The following IWS1 variants were observed in gnomAD, a reference collection of about 807,000 sequenced individuals.
IWS1 encodes protein IWS1 homolog.
IWS1 carries 27 observed loss-of-function variants against 86.7 expected under a neutral mutation model. The observed-to-expected ratio is 0.31, with a 90% CI of 0.23 to 0.43. IWS1 has a LOEUF of 0.43. Among genes scored for constraint, IWS1 ranks in the 20% least tolerant of loss-of-function variants. The pLI is 1.00. For missense variants in IWS1, 827 were observed against 1,000.8 expected (o/e 0.83, Z 2.34); for synonymous variants, 313 against 335.1 (o/e 0.93, Z 0.72).
At chr2:127,524,683 C>T (rs1439430613) in intron 1 of IWS1, among the ~76,000 whole-genome samples, 2 of 151,396 alleles carry the variant, frequency 1.3e-5, no homozygotes, top group African/African-American at 2.4e-5. Context: ...GCTGGGATTA[C>T]AGGTGCCCGC....
chr2:127,498,956 A>G (rs1402477726), intron 5 of IWS1: 1 of 152,124 alleles, frequency 6.6e-6, no homozygotes, highest in Non-Finnish European at 1.5e-5. Context: ...TGGACTGTTC[A>G]TCTTTTTCTT....
chr2:127,495,929 T>C (rs1690486910), intron 7 of IWS1, 69 bp downstream of exon 7: 7 of 1,385,698 alleles, frequency 5.1e-6, no homozygotes, highest in East Asian at 2.5e-5. Context: ...GGGTTAAGTA[T>C]CAAAAAAAGG....
intron 2 of IWS1, among the ~76,000 whole-genome samples, chr2:127,512,857 T>C (rs1355937382): frequency 6.6e-6 from 1 of 152,258 alleles, no homozygotes; most frequent in African/African-American, 2.4e-5. Context: ...CAAAAATGTT[T>C]ATTGAAAGAC....
chr2:127,518,030 A>G (rs1361656144), intron 2 of IWS1, among the ~76,000 whole-genome samples: 2 of 152,222 alleles, frequency 1.3e-5, no homozygotes, highest in East Asian at 1.9e-4. Context: ...GACAGAAAGT[A>G]TATCAGTGGT....
intron 2 of IWS1, chr2:127,511,273 T>G (rs975066619): frequency 1.3e-5 from 2 of 152,210 alleles, no homozygotes; most frequent in Non-Finnish European, 2.9e-5. Flanking sequence ...TATTTTCTAC[T>G]ATGTGATCAA....
At chr2:127,495,079 T>G (rs1690445321) in intron 7 of IWS1, 125 bp from the exon 8 acceptor site, 1 of 590,392 alleles carries the variant, frequency 1.7e-6, no homozygotes, top group Non-Finnish European at 2.9e-6. Flanking sequence ...CAAGAAAGAA[T>G]AATTTAAGAT....
At chr2:127,523,924 T>C in intron 1 of IWS1, 133 bp from the exon 2 acceptor site, 1 of 633,938 alleles carries the variant, frequency 1.6e-6, no homozygotes, top group East Asian at 2.6e-5. Context: ...AAGTTGCTAA[T>C]ATTTTGAATA....
Position 127,503,784 on chromosome 2 carries a change from C to T in IWS1, c.1220-208G>A, listed in dbSNP as rs115029274. On this transcript the variant is annotated intron_variant, in intron 3 of 13. Coordinates refer to ENST00000295321, the MANE Select transcript of IWS1 (RefSeq NM_017969.3). ...AAATGGCTCATTCAGAGTCATCTTA[C>T]AAATTATCTGTTATTTTGCTTAAGA... is the stretch of plus-strand genomic sequence containing the variant. Among the ~76,000 whole-genome samples, 1,203 of 152,134 alleles carry T rather than the reference C, an allele frequency of 7.9e-3. 13 individuals carry two copies. Among genetic ancestry groups the T allele is most frequent in the African/African-American group, 0.028 (1,153 of 41,530 alleles).
intron 10 of IWS1, among the ~76,000 whole-genome samples, chr2:127,491,587 G>A (rs900170389): frequency 3.3e-5 from 5 of 152,066 alleles, no homozygotes; most frequent in Admixed American, 1.3e-4. Flanking sequence ...GGGACTACTC[G>A]TGTATACCAC....
At chr2:127,491,935 C>T (rs372642298) in intron 10 of IWS1, 36 bp downstream of exon 10, 2 of 1,239,540 alleles carry the variant, frequency 1.6e-6, no homozygotes, top group Admixed American at 1.7e-5. Context: ...TATCTATACA[C>T]ATAAACACAA....
At chr2:127,488,697 C>T (rs1227515534) in intron 12 of IWS1, among the ~76,000 whole-genome samples, 4 of 152,216 alleles carry the variant, frequency 2.6e-5, no homozygotes, top group East Asian at 1.9e-4. Context: ...AATCACAAGA[C>T]GTGAAAATTC....
chr2:127,503,774 AGTC>A (rs1690950596), intron 3 of IWS1, among the ~76,000 whole-genome samples, 198 bp from the exon 4 acceptor site: 1 of 152,150 alleles, frequency 6.6e-6, no homozygotes, highest in Non-Finnish European at 1.5e-5. Flanking sequence ...GCTCATTCAG[AGTC>A]ATCTTACAAA....
At chr2:127,509,698 A>G (rs1359880820) in intron 2 of IWS1, among the ~76,000 whole-genome samples, 1 of 105,018 alleles carries the variant, frequency 9.5e-6, no homozygotes, top group Admixed American at 1.6e-4. Context: ...ACAGAGCAAC[A>G]CTCCATCTCA....
chr2:127,499,579 T>C lies in IWS1; in HGVS notation c.1468-1342A>G, dbSNP rs1462662432. Among the ~76,000 whole-genome samples, 2 of 152,182 alleles carry C rather than the reference T, an allele frequency of 1.3e-5. No individual in the cohort carries two copies. Among genetic ancestry groups the C allele is most frequent in the East Asian group, 3.9e-4 (2 of 5,194 alleles). On this transcript the variant is annotated intron_variant, in intron 5 of 13. Transcript: ENST00000295321. This position sits in a 1 kb window ranked among gnomAD's most constrained non-coding sequence, Gnocchi z 4.0. ...TACCTTATTCTTACAATATGGTGCTTAACTAAGTATGAGCTCCATGAAGGC... is the reference window on the plus strand; with the variant it reads ...TACCTTATTCTTACAATATGGTGCTCAACTAAGTATGAGCTCCATGAAGGC...
chr2:127,496,179 C>A, intron 6 of IWS1, 31 bp from the exon 7 acceptor site: 1 of 1,588,640 alleles, frequency 6.3e-7, no homozygotes, highest in Non-Finnish European at 8.6e-7. Flanking sequence ...AAGTGAAATA[C>A]AAGTTGTCTT....
rs1194287119 is a variant in IWS1 at position 127,499,379 on chromosome 2, C to T, written c.1468-1142G>A. On this transcript the variant is annotated intron_variant, in intron 5 of 13. Coordinates refer to ENST00000295321, the MANE Select transcript of IWS1 (RefSeq NM_017969.3). The surrounding 1 kb of genome is among the most constrained non-coding windows in gnomAD (Gnocchi z 4.0). Reference sequence around the variant, plus strand: ...TGCTGGGATTACAGGCGTGAGCCACCGCGCCCGGCCAATTTTTCATTTTTA... The same window carrying T: ...TGCTGGGATTACAGGCGTGAGCCACTGCGCCCGGCCAATTTTTCATTTTTA... 2.6e-5 allele frequency among the ~76,000 whole-genome samples: 4 copies of T among 152,254 alleles called. No individual in the cohort carries two copies. In the South Asian group the frequency reaches 6.2e-4, roughly 24 times the overall value.
At chr2:127,498,285 A>AAAT (rs1558750508) in intron 5 of IWS1, 48 bp from the exon 6 acceptor site, 1 of 1,562,202 alleles carries the variant, frequency 6.4e-7, no homozygotes. Flanking sequence ...CTTCTGTATT[A>AAAT]AGTGTTCTTA....
chr2:127,495,029 A>C (rs1690442385), intron 7 of IWS1, 75 bp from the exon 8 acceptor site: 1 of 849,556 alleles, frequency 1.2e-6, no homozygotes, highest in Non-Finnish European at 1.8e-6. Context: ...GTAATTCTGA[A>C]CCTTAAAATA....
chr2:127,481,494 G>A (rs534670164), intron 13 of IWS1, among the ~76,000 whole-genome samples: 53 of 152,292 alleles, frequency 3.5e-4, no homozygotes, highest in Non-Finnish European at 6.5e-4. Context: ...TGTACATTAC[G>A]TTTTAACTGC....
Sources: gnomAD v4.1 joint callset for allele counts (sites outside exome capture counted in the v4.1 genomes callset) on GRCh38, gnomAD v4.1.1 for gene constraint, Gnocchi (gnomAD v3.1) non-coding constraint, MANE v1.5 for transcripts, NCBI Gene and HGNC (gene_info 2026-07-23, HGNC 2026-07-21) for gene names.